AACS: variants seen among roughly 807,000 people sequenced by gnomAD.
AACS encodes the protein acetoacetate-CoA ligase.
In AACS, 69 loss-of-function variants were observed where a neutral mutation model predicts 83.1. That is an observed-to-expected ratio of 0.83 (90% CI 0.68 to 1.01). The LOEUF is 1.01. AACS is among the 50% of genes least tolerant of loss of function. The probability of loss-of-function intolerance (pLI) is 0.00; values close to 1 mark genes in which losing one functional copy is unlikely to be tolerated. For missense variants in AACS, 866 were observed against 882.2 expected (o/e 0.98, Z 0.23); for synonymous variants, 333 against 343.4 (o/e 0.97, Z 0.33).
chr12:125,116,231 T>G (rs1219379706), intron 9 of AACS, among the ~76,000 whole-genome samples: 1 of 151,878 alleles, frequency 6.6e-6, no homozygotes, highest in Non-Finnish European at 1.5e-5. Context: ...TGCAGGAAGC[T>G]CCCAGCAGCT....
Position 125,102,736 on chromosome 12 carries a change from G to T in AACS, c.628G>T (p.Val210Phe), listed in dbSNP as rs940237187. Residue 210 changes from valine to phenylalanine, a missense_variant, in exon 6 of 18, where the codon GTT becomes TTT. Val to Phe is a conservative substitution (Grantham distance 50). Coordinates refer to ENST00000316519, the MANE Select transcript of AACS (RefSeq NM_023928.5). ...AAAGCTCATCTTCTCTGTGGAGGCT[G>T]TTGTCTATAATGGCAAAGAGCACAA... ...QPKLIFSVEAVVYNGKEHNHM... is the reference protein window; with the variant it reads ...QPKLIFSVEAFVYNGKEHNHM... The T allele has an allele frequency of 6.2e-7, 1 of 1,614,156 alleles. No individual in the cohort carries two copies. The highest frequency in any genetic ancestry group is 8.5e-7 in the Non-Finnish European group (1 of 1,180,000).
At chr12:125,089,997 A>G (rs1346846056) in intron 4 of AACS, among the ~76,000 whole-genome samples, 1 of 150,426 alleles carries the variant, frequency 6.6e-6, no homozygotes, top group Non-Finnish European at 1.5e-5. Flanking sequence ...TAGATCATCC[A>G]TCCAACTATC....
At chr12:125,070,794 C>A (rs954035031) in intron 1 of AACS, among the ~76,000 whole-genome samples, 3 of 152,310 alleles carry the variant, frequency 2.0e-5, no homozygotes. Context: ...CACGAAGTCT[C>A]AGTTAAGACT....
chr12:125,084,799 C>G (rs1367010025), intron 3 of AACS, among the ~76,000 whole-genome samples: 1 of 152,096 alleles, frequency 6.6e-6, no homozygotes, highest in Non-Finnish European at 1.5e-5. Context: ...CCAGGCTGGT[C>G]TCGAACTCCT....
chr12:125,073,610 G>C (rs1000071322), intron 1 of AACS, among the ~76,000 whole-genome samples: 1 of 152,194 alleles, frequency 6.6e-6, no homozygotes, highest in Non-Finnish European at 1.5e-5. Context: ...TTGGGCTCTA[G>C]AGTCTATGTT....
At chr12:125,091,284 G>A (rs1026064663) in intron 4 of AACS, 142 bp from the exon 5 acceptor site, 13 of 733,776 alleles carry the variant, frequency 1.8e-5, no homozygotes, top group Non-Finnish European at 2.4e-5. Context: ...TCATCTGGGC[G>A]GGGGCTGGTG....
intron 6 of AACS, 67 bp from the exon 7 acceptor site, chr12:125,102,931 GGA>G: frequency 6.8e-7 from 1 of 1,481,188 alleles, no homozygotes; most frequent in Non-Finnish European, 9.3e-7. Flanking sequence ...TATATTTTGT[GGA>G]AAAAAAAAAA....
Position 125,073,862 on chromosome 12 carries a change from T to A in AACS, c.134-14T>A, listed in dbSNP as rs376033294. 1.5e-4 allele frequency: 244 copies of A among 1,599,768 alleles called. No homozygotes were observed. The highest frequency in any genetic ancestry group is 2.1e-4 in the Non-Finnish European group (240 of 1,167,940). Reference sequence around the variant, plus strand: ...TTTCCCTTCTAAGGTTAATCTGAGCTATTTCATTTTTAGAGAGTTATGATG... The same window carrying A: ...TTTCCCTTCTAAGGTTAATCTGAGCAATTTCATTTTTAGAGAGTTATGATG... On this transcript the variant is annotated splice_polypyrimidine_tract_variant and intron_variant, in intron 1 of 17. Coordinates refer to ENST00000316519, the MANE Select transcript of AACS (RefSeq NM_023928.5).
Position 125,134,845 on chromosome 12 carries a change from T to C in AACS, c.1671T>C (p.Tyr557=). 1 of 1,614,088 alleles carries C rather than the reference T, an allele frequency of 6.2e-7. No homozygotes were observed. Among genetic ancestry groups the C allele is most frequent in the Non-Finnish European group, 8.5e-7 (1 of 1,180,014 alleles). Residue 557 remains tyrosine (Y), a synonymous_variant, in exon 16 of 18, where the codon TAT becomes TAC. Transcript: ENST00000316519. The stretch of plus-strand genomic sequence containing the variant: ...TGCGGTTCGGCAGCTCGGAAATCTA[T>C]AACATTGGTACGTGCTTCCCCTCCC... ...NGVRFGSSEI[Y]NIVESFEEVE...
intron 1 of AACS, among the ~76,000 whole-genome samples, chr12:125,067,322 G>A (rs1487397538): frequency 1.3e-5 from 2 of 152,218 alleles, no homozygotes; most frequent in Non-Finnish European, 2.9e-5. Flanking sequence ...ACTCCTGGAA[G>A]AAGCAGGAGG....
chr12:125,128,285 C>T lies in AACS; in HGVS notation c.1423+11C>T, dbSNP rs753753918. ...CGTGGAACGAGGAAGGTGATGGCTCCACCAACTGTTTCTTTCTGTGATTAG... is the reference window on the plus strand; with the variant it reads ...CGTGGAACGAGGAAGGTGATGGCTCTACCAACTGTTTCTTTCTGTGATTAG... On this transcript the variant is annotated intron_variant, in intron 13 of 17. Coordinates refer to ENST00000316519, the MANE Select transcript of AACS (RefSeq NM_023928.5). 1.2e-6 allele frequency: 2 copies of T among 1,606,694 alleles called. No individual in the cohort carries two copies. The highest frequency in any genetic ancestry group is 3.4e-5 in the Admixed American group (2 of 59,606).
intron 5 of AACS, among the ~76,000 whole-genome samples, chr12:125,095,521 G>C (rs1044612516): frequency 6.6e-6 from 1 of 152,160 alleles, no homozygotes; most frequent in African/African-American, 2.4e-5. Flanking sequence ...GCTCTCCCAG[G>C]CTGGCTCTCT....
intron 13 of AACS, 86 bp downstream of exon 13, chr12:125,128,360 A>G: frequency 8.2e-7 from 1 of 1,226,436 alleles, no homozygotes; most frequent in East Asian, 2.6e-5. Context: ...TTGCTTGGAC[A>G]TAGTTCTCCA....
intron 5 of AACS, among the ~76,000 whole-genome samples, chr12:125,095,009 G>C (rs755816932): frequency 4.1e-5 from 3 of 73,344 alleles, no homozygotes; most frequent in Admixed American, 1.2e-4. Context: ...GTGTGTGTGT[G>C]TGTGTGTGTG....
intron 12 of AACS, chr12:125,126,296 A>G (rs1957243760): frequency 6.6e-6 from 1 of 152,058 alleles, no homozygotes; most frequent in Non-Finnish European, 1.5e-5. Flanking sequence ...TTTTCTTAAC[A>G]TAAAGTTGTG....
At chr12:125,121,634 C>T (rs7133864) in intron 10 of AACS, 56,532 of 152,128 alleles carry the variant, frequency 0.37, 10,783 homozygotes, top group East Asian at 0.45. Flanking sequence ...CTATTCTGGA[C>T]AGAATTAGGG....
At chr12:125,068,975 G>A (rs1410439843) in intron 1 of AACS, among the ~76,000 whole-genome samples, 1 of 151,972 alleles carries the variant, frequency 6.6e-6, no homozygotes, top group Non-Finnish European at 1.5e-5. Context: ...GATTAGCTGG[G>A]ATTACAGGCA....
At chr12:125,073,012 C>T (rs1366774162) in intron 1 of AACS, among the ~76,000 whole-genome samples, 4 of 146,386 alleles carry the variant, frequency 2.7e-5, no homozygotes, top group East Asian at 2.1e-4. Flanking sequence ...ACTTCATCCT[C>T]GGCCTCCCAG....
chr12:125,124,891 C>T lies in AACS; in HGVS notation c.1187-11C>T, dbSNP rs756447891. 18 of 1,614,086 alleles carry T rather than the reference C, an allele frequency of 1.1e-5. No individual in the cohort carries two copies. The South Asian group carries it at 1.9e-4, about 17-fold the overall frequency. On this transcript the variant is annotated splice_polypyrimidine_tract_variant and intron_variant, in intron 11 of 17. Coordinates refer to ENST00000316519, the MANE Select transcript of AACS (RefSeq NM_023928.5). ...GTTTAGTTTTAATCTTTTGGTGACT[C>T]TGCACCCCAGTGGAAACCCACAGTC...
Sources: allele counts gnomAD v4.1 joint callset (sites outside exome capture counted in the v4.1 genomes callset), GRCh38; gene constraint gnomAD v4.1.1; transcripts MANE v1.5; gene names NCBI Gene and HGNC (gene_info 2026-07-23, HGNC 2026-07-21).